DLG2: variants seen among roughly 807,000 people sequenced by gnomAD.
DLG2 encodes discs large MAGUK scaffold protein 2.
A neutral mutation model predicts 132.5 loss-of-function variants in DLG2; 45 were observed. The ratio of observed to expected loss-of-function variants is 0.34; its 90% confidence interval spans 0.27 to 0.44. DLG2 has a LOEUF of 0.44. DLG2 is among the 20% of genes least tolerant of loss of function. The pLI is 1.00. For missense variants in DLG2, 1,045 were observed against 1,196.9 expected, an observed-to-expected ratio of 0.87 and a Z score of 1.87; for synonymous variants, 424 against 419.6, an observed-to-expected ratio of 1.01 and a Z score of -0.13.
intron 11 of DLG2, among the ~76,000 whole-genome samples, chr11:83,989,417 A>G (rs1321381547): frequency 1.3e-5 from 2 of 152,152 alleles, no homozygotes; most frequent in African/African-American, 4.8e-5. Context: ...GCTCTCAATA[A>G]ACTGTCAGGT....
intron 6 of DLG2, among the ~76,000 whole-genome samples, chr11:84,811,420 C>G (rs1217494932): frequency 6.6e-6 from 1 of 152,114 alleles, no homozygotes. Flanking sequence ...ATTCTGCCTT[C>G]ATTATAGTAA....
At chr11:85,450,711 T>C (rs2092207875) in intron 3 of DLG2, among the ~76,000 whole-genome samples, 1 of 152,326 alleles carries the variant, frequency 6.6e-6, no homozygotes, top group East Asian at 1.9e-4. Flanking sequence ...ACATTGAAAC[T>C]ATTCGCACAA....
intron 3 of DLG2, among the ~76,000 whole-genome samples, chr11:85,357,052 T>C (rs1032650538): frequency 1.8e-4 from 6 of 34,196 alleles, no homozygotes; most frequent in Admixed American, 4.2e-4. Context: ...CTGTGTCTCT[T>C]ATAGAAATGG....
chr11:84,867,382 T>C (rs574716851), intron 6 of DLG2, among the ~76,000 whole-genome samples: 1 of 152,200 alleles, frequency 6.6e-6, no homozygotes, highest in Non-Finnish European at 1.5e-5. Context: ...ACAGAGACAG[T>C]TGTTTTCGGT....
At chr11:83,466,223 A>C (rs558894089) in intron 26 of DLG2, among the ~76,000 whole-genome samples, 1 of 152,218 alleles carries the variant, frequency 6.6e-6, no homozygotes, top group African/African-American at 2.4e-5. Flanking sequence ...CAATGAAAAA[A>C]GTCTCAAACG....
At chr11:83,498,840 G>T (rs914287841) in intron 21 of DLG2, among the ~76,000 whole-genome samples, 4 of 150,242 alleles carry the variant, frequency 2.7e-5, no homozygotes, top group African/African-American at 9.8e-5. Flanking sequence ...AGAAAACAAA[G>T]ATTTACATTG....
In DLG2 at chr11:85,570,160, G is replaced by A. The variant is rs7128859; in HGVS notation, c.40+28497C>T. ...TAAAAAAACAAATTTTGAAAAACTT[G>A]CATCACCCACTGTAAGCTTGATAGT... On this transcript the variant is annotated intron_variant, in intron 3 of 27. Transcript: ENST00000376104. Among the ~76,000 whole-genome samples the A allele has an allele frequency of 6.5e-3, 994 of 152,216 alleles. 10 individuals are homozygous for A. Among genetic ancestry groups the A allele is most frequent in the African/African-American group, 0.022 (931 of 41,510 alleles).
rs529277727 is a variant in DLG2, at chr11:84,846,645, C to T, written c.357+265016G>A. Among the ~76,000 whole-genome samples the T allele has an allele frequency of 1.4e-3, 210 of 152,238 alleles. 3 individuals are homozygous for T. The highest frequency in any genetic ancestry group is 2.1e-3 in the Non-Finnish European group (140 of 67,994). On this transcript the variant is annotated intron_variant, in intron 6 of 27. Coordinates refer to ENST00000376104, the MANE Select transcript of DLG2 (RefSeq NM_001142699.3). ...GTAGCTGGTTTCCAAATATTGCCCC[C>T]AATCAATCCTGTTGCTTCTTATTAG...
At chr11:84,514,511 TG>T (rs2099266721) in intron 7 of DLG2, among the ~76,000 whole-genome samples, 1 of 151,992 alleles carries the variant, frequency 6.6e-6, no homozygotes. Flanking sequence ...ATTCTGGAAC[TG>T]GAGGTCATTA....
chr11:85,289,061 T>G (rs1261766522), intron 3 of DLG2, among the ~76,000 whole-genome samples: 1 of 139,482 alleles, frequency 7.2e-6, no homozygotes, highest in Non-Finnish European at 1.5e-5. Flanking sequence ...GAAGAAGTGT[T>G]CTAATTCTAT....
intron 7 of DLG2, among the ~76,000 whole-genome samples, chr11:84,430,171 T>G (rs1021770386): frequency 6.6e-6 from 1 of 151,946 alleles, no homozygotes. Context: ...GGCACAGTGG[T>G]TCACACCTGT....
rs1482000054 is a variant in DLG2, at chr11:84,171,158, G to A, written c.574-7647C>T. On this transcript the variant is annotated intron_variant, in intron 8 of 27. Coordinates refer to ENST00000376104, the MANE Select transcript of DLG2 (RefSeq NM_001142699.3). ...TGTTTCTCTCTAAAAAGGAAAAAAC[G>A]TAAGAAAGTTTTGCTCTACTTCAAA... Among the ~76,000 whole-genome samples the A allele has an allele frequency of 2.6e-5, 4 of 152,034 alleles. No homozygotes were observed. In the South Asian group the frequency reaches 8.3e-4, roughly 32 times the overall value.
At position 85,091,447 on chromosome 11, in the gene DLG2, A is replaced by G. The variant is rs1286123819; in HGVS notation, c.357+20214T>C. 9.2e-5 allele frequency among the ~76,000 whole-genome samples: 14 copies of G among 152,306 alleles called. No homozygotes were observed. In the South Asian group the frequency reaches 1.2e-3, roughly 14 times the overall value. ...ACTGGGGTGGCTGTGGCAATTTTTA[A>G]AAATAAGACAACAATGATGTTTGCC... On this transcript the variant is annotated intron_variant, in intron 6 of 27. Coordinates refer to ENST00000376104, the MANE Select transcript of DLG2 (RefSeq NM_001142699.3).
chr11:85,599,367 TCTA>T (rs964171907), intron 2 of DLG2, among the ~76,000 whole-genome samples: 1 of 151,786 alleles, frequency 6.6e-6, no homozygotes. Context: ...TCTCTCTCTC[TCTA>T]CTTTTTCTCA....
chr11:85,396,824 G>A (rs2888891), intron 3 of DLG2, among the ~76,000 whole-genome samples: 2,749 of 152,290 alleles, frequency 0.018, 50 homozygotes, highest in Admixed American at 0.036. Flanking sequence ...AAAGTGATGC[G>A]GAGAATTGAA....
chr11:84,865,925 C>T (rs2084485039), intron 6 of DLG2, among the ~76,000 whole-genome samples: 1 of 152,180 alleles, frequency 6.6e-6, no homozygotes, highest in African/African-American at 2.4e-5. Context: ...TATCCTTTGC[C>T]AACCCCCTAA....
chr11:84,987,805 CTA>C (rs1276684720), intron 6 of DLG2, among the ~76,000 whole-genome samples: 1 of 152,138 alleles, frequency 6.6e-6, no homozygotes, highest in African/African-American at 2.4e-5. Flanking sequence ...AGACCTGAAA[CTA>C]TAAAAATTCT....
intron 6 of DLG2, among the ~76,000 whole-genome samples, chr11:84,613,508 T>A (rs1430407834): frequency 6.6e-6 from 1 of 152,064 alleles, no homozygotes; most frequent in African/African-American, 2.4e-5. Flanking sequence ...AAGAAAATAG[T>A]ATCTATTAAA....
rs1409506457 is a variant in DLG2 at position 85,292,624 on chromosome 11, CGAAG to C, written c.41-7263_41-7260del. On this transcript the variant is annotated intron_variant, in intron 3 of 27. Coordinates refer to ENST00000376104, the MANE Select transcript of DLG2 (RefSeq NM_001142699.3). ...CTTCTGTGCCTAGACAAAGCACAAC[CGAAG>C]GAAGGAAGGAAGGAAGGAAGGAAGG... Among the ~76,000 whole-genome samples, 61 of 14,482 alleles carry C rather than the reference CGAAG, an allele frequency of 4.2e-3. No individual in the cohort carries two copies. The East Asian group carries it at 0.048, about 11-fold the overall frequency. 9.5% of individuals were successfully genotyped at this position (14,482 alleles called of 152,430 possible).
Sources: gnomAD v4.1 joint callset for allele counts (sites outside exome capture counted in the v4.1 genomes callset) on GRCh38, gnomAD v4.1.1 for gene constraint, MANE v1.5 for transcripts, NCBI Gene and HGNC (gene_info 2026-07-23, HGNC 2026-07-21) for gene names.